The following RALY variants were observed in gnomAD, a reference collection of about 807,000 sequenced individuals.
RALY encodes RNA-binding protein Raly.
A neutral mutation model predicts 30.7 loss-of-function variants in RALY; 15 were observed. That is an observed-to-expected ratio of 0.49 (90% CI 0.33 to 0.75). RALY has a LOEUF of 0.75. RALY is among the 30% of genes least tolerant of loss of function. The pLI is 0.02. For synonymous variants in RALY, 177 were observed against 170.8 expected (o/e 1.04, Z -0.28); for missense variants, 339 against 414.3 (o/e 0.82, Z 1.58).
intron 1 of RALY, among the ~76,000 whole-genome samples, chr20:34,013,344 G>A (rs745914695): frequency 1.3e-5 from 2 of 150,048 alleles, no homozygotes; most frequent in Non-Finnish European, 3.0e-5. Context: ...AGCCTAGGAG[G>A]TTGAGGCTGT....
intron 2 of RALY, among the ~76,000 whole-genome samples, chr20:34,058,501 A>ACT (rs1568686206): frequency 6.6e-5 from 10 of 151,532 alleles, no homozygotes; most frequent in Non-Finnish European, 8.8e-5. Flanking sequence ...CCCTATCCCC[A>ACT]TACTTCTCAA....
intron 1 of RALY, among the ~76,000 whole-genome samples, chr20:33,998,935 T>G (rs776711929): frequency 6.6e-6 from 1 of 151,876 alleles, no homozygotes; most frequent in African/African-American, 2.4e-5. Context: ...GAGACTAGCC[T>G]GGCCAACGTG....
At position 34,002,697 on chromosome 20, in the gene RALY, G is replaced by A. The variant is rs958947038; in HGVS notation, c.-93+8566G>A. 2.0e-5 allele frequency among the ~76,000 whole-genome samples: 3 copies of A among 152,166 alleles called. No individual in the cohort carries two copies. The South Asian group carries it at 6.2e-4, about 31-fold the overall frequency. On this transcript the variant is annotated intron_variant, in intron 1 of 9. Transcript: ENST00000246194. ...GTTGCTAAGGTGTCCAACACCCAGT[G>A]TGTAAAGTCAAGAATATTAGAGTAG...
chr20:33,993,948 G>C lies in RALY; in HGVS notation c.-276G>C, dbSNP rs1320275450. The C allele has an allele frequency of 6.6e-6, 1 of 152,050 alleles. No individual in the cohort carries two copies. The highest frequency in any genetic ancestry group is 1.5e-5 in the Non-Finnish European group (1 of 67,996). 9.4% of individuals were successfully genotyped at this position (152,050 alleles called of 1,614,324 possible). On this transcript the variant is annotated 5_prime_UTR_variant, in exon 1 of 10. Transcript: ENST00000246194. ...GGGCGCGCGAGCGGCGCCAGCTCGG[G>C]GCAGCGGAACCCAGAGAAGCTGAGG...
At chr20:34,041,648 T>C (rs1452932267) in intron 2 of RALY, among the ~76,000 whole-genome samples, 1 of 152,228 alleles carries the variant, frequency 6.6e-6, no homozygotes, top group Non-Finnish European at 1.5e-5. Context: ...AGGGTGTTAT[T>C]TTTAGGCACA....
In RALY at chr20:34,073,848, G is replaced by T. The variant is rs1207693574; in HGVS notation, c.359G>T (p.Arg120Leu). Residue 120 changes from arginine (R) to leucine (L), a missense_variant, in exon 5 of 10, where the codon CGG becomes CTG. By Grantham distance (102) the Arg-to-Leu change is moderately radical. Around this residue, in one of 2 missense-constraint regions of RALY, gnomAD observed 268 missense variants for 280.6 expected, o/e 0.95. Transcript: ENST00000246194. Reference protein sequence around the residue: ...SGYIFDYDYYRDDFYDRLFDY... With the variant: ...SGYIFDYDYYLDDFYDRLFDY... ...TACATCTTTGACTATGATTACTACC[G>T]GGACGACTTCTACGACAGGTGAGCA... 3 of 1,614,092 alleles carry T rather than the reference G, an allele frequency of 1.9e-6. No individual in the cohort carries two copies. Among genetic ancestry groups the T allele is most frequent in the Non-Finnish European group, 2.5e-6 (3 of 1,179,988 alleles).
chr20:34,047,711 A>T (rs945931900), intron 2 of RALY, among the ~76,000 whole-genome samples: 1 of 152,168 alleles, frequency 6.6e-6, no homozygotes, highest in Non-Finnish European at 1.5e-5. Flanking sequence ...TTTCTCTAAA[A>T]TGATGTGGTT....
At chr20:34,068,524 A>C (rs1381708138) in intron 2 of RALY, among the ~76,000 whole-genome samples, 1 of 152,188 alleles carries the variant, frequency 6.6e-6, no homozygotes, top group Non-Finnish European at 1.5e-5. Flanking sequence ...CCTAACATTG[A>C]TTGAACACTT....
Position 34,077,179 on chromosome 20 carries a change from G to C in RALY, c.810G>C (p.Gln270His). The stretch of plus-strand genomic sequence containing the variant: ...CAACTTCTGAGGCAGGCCTGCCCCA[G>C]GGGGAAGCACGGACCCGAGACGACG... ...ENTTSEAGLP[Q>H]GEARTRDDGD... Residue 270 changes from glutamine (Q) to histidine (H), a missense_variant, in exon 8 of 10, where the codon CAG becomes CAC. Gln to His is a conservative substitution (Grantham distance 24). This residue lies in a region of RALY where 268 missense variants were observed against 280.6 expected (regional missense o/e 0.95). Transcript: ENST00000246194. 6.2e-7 allele frequency: 1 copy of C among 1,613,838 alleles called. No individual in the cohort carries two copies. The highest frequency in any genetic ancestry group is 8.5e-7 in the Non-Finnish European group (1 of 1,179,992).
intron 2 of RALY, among the ~76,000 whole-genome samples, chr20:34,035,951 G>C (rs566858266): frequency 6.6e-6 from 1 of 152,296 alleles, no homozygotes; most frequent in South Asian, 2.1e-4. Flanking sequence ...GGCATAGAGC[G>C]TGCTTCTTGA....
chr20:34,063,383 G>C (rs1035575779), intron 2 of RALY, among the ~76,000 whole-genome samples: 1 of 152,162 alleles, frequency 6.6e-6, no homozygotes, highest in African/African-American at 2.4e-5. Flanking sequence ...AATAACACAG[G>C]CTTTAGAATC....
At chr20:34,026,551 C>T (rs1033292426) in intron 1 of RALY, among the ~76,000 whole-genome samples, 4 of 147,912 alleles carry the variant, frequency 2.7e-5, no homozygotes, top group South Asian at 2.3e-4. Context: ...TACAGGCGCC[C>T]GCCAGCCATG....
chr20:34,036,242 A>G (rs557971727), intron 2 of RALY, among the ~76,000 whole-genome samples: 2 of 152,222 alleles, frequency 1.3e-5, no homozygotes, highest in Admixed American at 1.3e-4. Flanking sequence ...TTTGTTCCCA[A>G]TTTTAGGAGG....
chr20:34,023,876 C>G (rs141376322), intron 1 of RALY, among the ~76,000 whole-genome samples: 28 of 152,180 alleles, frequency 1.8e-4, no homozygotes, highest in Non-Finnish European at 3.5e-4. Flanking sequence ...AAATTTCAAG[C>G]TTACATATCA....
At chr20:34,059,560 G>A (rs2033355359) in intron 2 of RALY, among the ~76,000 whole-genome samples, 1 of 152,218 alleles carries the variant, frequency 6.6e-6, no homozygotes. Context: ...GTGAACCTCA[G>A]AAAAGTCAAG....
At chr20:34,068,364 G>T (rs1396519018) in intron 2 of RALY, among the ~76,000 whole-genome samples, 1 of 152,186 alleles carries the variant, frequency 6.6e-6, no homozygotes, top group Non-Finnish European at 1.5e-5. Flanking sequence ...TTGGGTGGGA[G>T]GGATTGAGTT....
At chr20:34,003,634 GTTTTTTTTT>G (rs775178178) in intron 1 of RALY, among the ~76,000 whole-genome samples, 2 of 112,960 alleles carry the variant, frequency 1.8e-5, no homozygotes, top group African/African-American at 4.1e-5. Flanking sequence ...ATGCCAAACA[GTTTTTTTTT>G]TTTTTTTTTT....
chr20:34,023,089 G>T (rs1238599849), intron 1 of RALY, among the ~76,000 whole-genome samples: 1 of 152,172 alleles, frequency 6.6e-6, no homozygotes, highest in Non-Finnish European at 1.5e-5. Flanking sequence ...GTGTAGTTCA[G>T]TACAGACAAA....
chr20:34,032,252 C>G (rs772973692), intron 2 of RALY, among the ~76,000 whole-genome samples: 3 of 152,180 alleles, frequency 2.0e-5, no homozygotes, highest in Non-Finnish European at 1.5e-5. Context: ...CGTGAGCCAC[C>G]GCGCCCGGCC....
Sources: gnomAD v4.1 joint callset for allele counts (sites outside exome capture counted in the v4.1 genomes callset) on GRCh38, gnomAD v4.1.1 for gene constraint, gnomAD v4.1.1 regional missense constraint, MANE v1.5 for transcripts, NCBI Gene and HGNC (gene_info 2026-07-23, HGNC 2026-07-21) for gene names.